The following CRLF1 variants were observed in gnomAD, a reference collection of about 807,000 sequenced individuals.
The protein encoded by CRLF1 is cytokine receptor-like factor 1.
A neutral mutation model predicts 48.9 loss-of-function variants in CRLF1; 36 were observed. That is an observed-to-expected ratio of 0.74 (90% CI 0.56 to 0.97). The LOEUF (loss-of-function observed/expected upper bound fraction) is 0.97, where lower values mean the gene tolerates loss of function less well. Ranked by LOEUF, CRLF1 falls within the 50% of genes least tolerant of loss-of-function variation. The pLI, the probability that CRLF1 is intolerant of heterozygous loss-of-function variation, is 0.00. For synonymous variants in CRLF1, 256 were observed against 253.4 expected (o/e 1.01, Z -0.10); for missense variants, 534 against 575.1 (o/e 0.93, Z 0.73).
At chr19:18,598,097 C>T (rs1976166238) in intron 4 of CRLF1, among the ~76,000 whole-genome samples, 1 of 152,242 alleles carries the variant, frequency 6.6e-6, no homozygotes, top group South Asian at 2.1e-4. Flanking sequence ...CTCCAGGCCT[C>T]GGCTTCCTGG....
At chr19:18,594,975 T>C (rs1049177677) in intron 6 of CRLF1, among the ~76,000 whole-genome samples, 7 of 150,336 alleles carry the variant, frequency 4.7e-5, no homozygotes, top group Admixed American at 4.0e-4. Flanking sequence ...AGAGGAAGAG[T>C]GACAGATGAA....
chr19:18,602,131 T>G (rs1976228801), intron 1 of CRLF1, among the ~76,000 whole-genome samples: 1 of 152,138 alleles, frequency 6.6e-6, no homozygotes, highest in African/African-American at 2.4e-5. Context: ...GGGACGCCCA[T>G]GGGTGGTTGA....
chr19:18,604,059 G>C (rs889484123), intron 1 of CRLF1, among the ~76,000 whole-genome samples: 3 of 152,234 alleles, frequency 2.0e-5, no homozygotes, highest in Non-Finnish European at 4.4e-5. Flanking sequence ...GGCACGGCCA[G>C]GCCTGCCCAG....
chr19:18,594,029 T>TGGGGGGG, intron 8 of CRLF1, 36 bp downstream of exon 8: 10 of 1,366,620 alleles, frequency 7.3e-6, no homozygotes, highest in East Asian at 5.1e-5. Context: ...GCCCTCCCCT[T>TGGGGGGG]GCTCCCTCCC....
Position 18,606,500 on chromosome 19 carries a change from C to A in CRLF1, c.115+42G>T. ...CGGCTGCCCCCGGGGCGCCCGCCCT[C>A]TGCTCTGGCAGGGGGGAAGGAGTGG... On this transcript the variant is annotated intron_variant, in intron 1 of 8. Coordinates refer to ENST00000392386, the MANE Select transcript of CRLF1 (RefSeq NM_004750.5). The surrounding 1 kb of genome is among the most constrained non-coding windows in gnomAD (Gnocchi z 4.8). 8.8e-7 allele frequency: 1 copy of A among 1,132,248 alleles called. No individual in the cohort carries two copies. The highest frequency in any genetic ancestry group is 1.1e-6 in the Non-Finnish European group (1 of 923,920). 70.1% of individuals were successfully genotyped at this position (1,132,248 alleles called of 1,614,324 possible). A position where few individuals can be genotyped will look rare whatever the true frequency, so the allele number is the denominator to read the frequency against.
chr19:18,594,635 G>T (rs1026254918), intron 6 of CRLF1, among the ~76,000 whole-genome samples: 1 of 151,876 alleles, frequency 6.6e-6, no homozygotes, highest in Non-Finnish European at 1.5e-5. Context: ...GGGGAGGTGG[G>T]GGGGAGGGGG....
intron 1 of CRLF1, among the ~76,000 whole-genome samples, chr19:18,603,056 C>T (rs1016664852): frequency 2.0e-5 from 3 of 152,198 alleles, no homozygotes; most frequent in Non-Finnish European, 4.4e-5. Flanking sequence ...CTTCTCGTTC[C>T]ACACAGAGTG....
chr19:18,596,738 G>A lies in CRLF1; in HGVS notation c.908C>T (p.Pro303Leu). 1 of 1,614,142 alleles carries A rather than the reference G, an allele frequency of 6.2e-7. No homozygotes were observed. Among genetic ancestry groups the A allele is most frequent in the Non-Finnish European group, 8.5e-7 (1 of 1,180,032 alleles). Residue 303 changes from proline (P) to leucine (L), a missense_variant, in exon 6 of 9, where the codon CCC becomes CTC. By Grantham distance (98) the Pro-to-Leu change is moderately conservative. Around this residue, in one of 2 missense-constraint regions of CRLF1, gnomAD observed 528 missense variants for 555.7 expected, o/e 0.95. Transcript: ENST00000392386. The part of the protein sequence containing the change: ...QTSCRLAGLK[P>L]GTVYFVQVRC... ...CACTTGCACGAAGTACACGGTGCCG[G>A]GTTTCAGGCCGGCCAGGCGGCAGGA...
rs372280727 is a variant in CRLF1, at chr19:18,605,662, TTG to T, written c.115+878_115+879del. On this transcript the variant is annotated intron_variant, in intron 1 of 8. Transcript: ENST00000392386. Reference sequence around the variant, plus strand: ...ACGGGCCACAAGCCAGTGTGATTCTTTGTGTGTCTCTGGGTGTGTCCCAGAGC... The same window carrying T: ...ACGGGCCACAAGCCAGTGTGATTCTTTGTGTCTCTGGGTGTGTCCCAGAGC... Among the ~76,000 whole-genome samples, 73 of 152,226 alleles carry T rather than the reference TTG, an allele frequency of 4.8e-4. No individual in the cohort carries two copies. The East Asian group carries it at 0.013, about 28-fold the overall frequency.
In CRLF1 at chr19:18,594,053, GGCCCAC is replaced by G. The variant is rs1448082862; in HGVS notation, c.1255+6_1255+11del. 1.9e-4 allele frequency: 57 copies of G among 296,162 alleles called. No individual in the cohort carries two copies. Among genetic ancestry groups the G allele is most frequent in the Non-Finnish European group, 3.4e-4 (56 of 164,906 alleles). 18.3% of individuals were successfully genotyped at this position (296,162 alleles called of 1,614,324 possible). On this transcript the variant is annotated splice_donor_region_variant and intron_variant, in intron 8 of 8. Transcript: ENST00000392386. The stretch of plus-strand genomic sequence containing the variant: ...TTGCTCCCTCCCGCCCACCCATTCA[GGCCCAC>G]CTTACCTCTCGCCGTGCCCCGTCTG...
In CRLF1 at chr19:18,606,554, C is replaced by A; in HGVS notation, c.103G>T (p.Gly35Ter). 8.7e-7 allele frequency: 1 copy of A among 1,150,984 alleles called. No homozygotes were observed. Among genetic ancestry groups the A allele is most frequent in the Non-Finnish European group, 1.1e-6 (1 of 937,122 alleles). The allele number at this position is 1,150,984 out of a possible 1,614,324, so 71.3% of individuals were successfully genotyped here. The change falls in exon 1 of 9, where the codon GGA becomes TGA. Residue 35 changes from glycine to a stop codon, truncating the protein, a stop_gained. Transcript: ENST00000392386. LOFTEE classifies it high-confidence loss of function. The surrounding 1 kb of genome is among the most constrained non-coding windows in gnomAD (Gnocchi z 4.8). Reference protein sequence around the residue: ...LLCVLGAPRAGSGAHTAVISP... With the variant: ...LLCVLGAPRA ...GCCGGGTACTCACGGGCTCCTGATC[C>A]GGCTCGCGGCGCCCCGAGGACGCAG...
intron 5 of CRLF1, 33 bp from the exon 6 acceptor site, chr19:18,596,823 C>T (rs778532329): frequency 6.2e-6 from 10 of 1,608,432 alleles, no homozygotes; most frequent in East Asian, 2.2e-5. Flanking sequence ...GAGTAGAGGG[C>T]GGGGCCTAGC....
rs377333252 is a variant in CRLF1, at chr19:18,602,533, G to A, written c.116-2687C>T. 1.4e-3 allele frequency among the ~76,000 whole-genome samples: 215 copies of A among 152,042 alleles called. 6 individuals are homozygous for A. In the South Asian group the frequency reaches 0.038, roughly 27 times the overall value. ...CTTGGGAGGCTGAGGCAGGAGGATC[G>A]CTGGAGCCCGGGAAGTTGAGGCTGC... On this transcript the variant is annotated intron_variant, in intron 1 of 8. Transcript: ENST00000392386.
At chr19:18,594,472 G>C in intron 6 of CRLF1, 38 bp from the exon 7 acceptor site, 1 of 1,302,390 alleles carries the variant, frequency 7.7e-7, no homozygotes, top group Non-Finnish European at 9.7e-7. Flanking sequence ...GAGCGCGCCC[G>C]GCAGGGGGTG....
intron 1 of CRLF1, among the ~76,000 whole-genome samples, chr19:18,604,478 G>A (rs918276359): frequency 1.3e-5 from 2 of 152,186 alleles, no homozygotes; most frequent in Non-Finnish European, 2.9e-5. Flanking sequence ...GGAGAAATAC[G>A]TTCTACTTGC....
Position 18,593,442 on chromosome 19 carries a change from G to T in CRLF1, c.*124C>A. ...GCTGTTATGGCCGTTGGAGCTCAGG[G>T]GCCACCCCAGCTCCTGCTGAGGGTG... is the stretch of plus-strand genomic sequence containing the variant. On this transcript the variant is annotated 3_prime_UTR_variant, in exon 9 of 9. Transcript: ENST00000392386. 7.1e-7 allele frequency: 1 copy of T among 1,402,718 alleles called. No individual in the cohort carries two copies. The highest frequency in any genetic ancestry group is 9.8e-7 in the Non-Finnish European group (1 of 1,021,204). The allele number at this position is 1,402,718 out of a possible 1,614,324, so 86.9% of individuals were successfully genotyped here.
chr19:18,602,991 G>GT (rs1568442722), intron 1 of CRLF1, among the ~76,000 whole-genome samples: 1 of 152,210 alleles, frequency 6.6e-6, no homozygotes, highest in African/African-American at 2.4e-5. Flanking sequence ...GATGACAGGC[G>GT]TGAGCCACTG....
chr19:18,599,596 G>A lies in CRLF1; in HGVS notation c.366C>T (p.Ser122=). ...DNLVCHARDG[S]ILAGSCLYVG... ...CATAGAGGCAGGAGCCAGCCAGGAT[G>A]CTGCCGTCACGGGCGTGGCACACGA... Residue 122 remains serine (S), a synonymous_variant, in exon 2 of 9, where the codon AGC becomes AGT. Transcript: ENST00000392386. 1 of 1,612,890 alleles carries A rather than the reference G, an allele frequency of 6.2e-7. No homozygotes were observed.
chr19:18,598,724 C>A, intron 3 of CRLF1, 48 bp downstream of exon 3: 1 of 1,613,972 alleles, frequency 6.2e-7, no homozygotes, highest in South Asian at 1.1e-5. Context: ...TGGTCAAGGT[C>A]ACGCAGCCAG....
Sources: allele counts gnomAD v4.1 joint callset (sites outside exome capture counted in the v4.1 genomes callset), GRCh38; gene constraint gnomAD v4.1.1; regional missense constraint gnomAD v4.1.1; non-coding constraint Gnocchi (gnomAD v3.1); transcripts MANE v1.5; gene names NCBI Gene and HGNC (gene_info 2026-07-23, HGNC 2026-07-21).